Variants in RAB11FIP4 observed in about 807,000 individuals in gnomAD.
RAB11FIP4 encodes rab11 family-interacting protein 4.
Under a neutral mutation model 74.3 loss-of-function variants are expected in RAB11FIP4, and 23 were observed. The observed-to-expected ratio is 0.31, with a 90% CI of 0.22 to 0.44. The LOEUF (loss-of-function observed/expected upper bound fraction) is 0.44, where lower values mean the gene tolerates loss of function less well. Ranked by LOEUF, RAB11FIP4 falls within the 20% of genes least tolerant of loss-of-function variation. RAB11FIP4 has a pLI of 1.00. For synonymous variants in RAB11FIP4, 360 were observed against 359.9 expected (o/e 1.00, Z 0.00); for missense variants, 630 against 863.9 (o/e 0.73, Z 3.39).
intron 4 of RAB11FIP4, 156 bp from the exon 5 acceptor site, chr17:31,521,010 T>C: frequency 1.8e-6 from 1 of 540,716 alleles, no homozygotes; most frequent in Non-Finnish European, 3.2e-6. Context: ...GATGTTTCCC[T>C]TTAGATAGGG....
chr17:31,502,085 G>A (rs2072232231), intron 3 of RAB11FIP4, among the ~76,000 whole-genome samples: 1 of 152,074 alleles, frequency 6.6e-6, no homozygotes, highest in Non-Finnish European at 1.5e-5. Flanking sequence ...TTAGCCAGGC[G>A]TGGTGGTGGG....
intron 4 of RAB11FIP4, 194 bp from the exon 5 acceptor site, chr17:31,520,972 T>C (rs2072653544): frequency 2.5e-6 from 1 of 404,748 alleles, no homozygotes; most frequent in Non-Finnish European, 4.4e-6. Flanking sequence ...AGAATTGGTT[T>C]GAACTGTAGA....
intron 1 of RAB11FIP4, among the ~76,000 whole-genome samples, chr17:31,414,751 C>T (rs2071131260): frequency 6.6e-6 from 1 of 152,236 alleles, no homozygotes; most frequent in Admixed American, 6.5e-5. Context: ...AGGCCCTCTC[C>T]ACCTCCCCTC....
At chr17:31,420,248 C>T (rs1180011314) in intron 1 of RAB11FIP4, among the ~76,000 whole-genome samples, 3 of 151,238 alleles carry the variant, frequency 2.0e-5, no homozygotes, top group South Asian at 4.2e-4. Context: ...TCTTTTTTTT[C>T]GAGACAAGGT....
intron 3 of RAB11FIP4, among the ~76,000 whole-genome samples, chr17:31,437,954 C>T (rs1209931655): frequency 6.6e-6 from 1 of 152,182 alleles, no homozygotes; most frequent in Non-Finnish European, 1.5e-5. Flanking sequence ...CAGAGCCCTG[C>T]GAGACCCTGG....
Position 31,525,078 on chromosome 17 carries a change from C to G in RAB11FIP4, c.1134-12C>G, listed in dbSNP as rs1056832863. Reference sequence around the variant, plus strand: ...GCAGGCCCCAAGAGCTTGCCCATTGCGCTGTCCTCAGGGTGCATGAGCTGG... The same window carrying G: ...GCAGGCCCCAAGAGCTTGCCCATTGGGCTGTCCTCAGGGTGCATGAGCTGG... On this transcript the variant is annotated splice_polypyrimidine_tract_variant and intron_variant, in intron 9 of 14. Transcript: ENST00000621161. 1.9e-6 allele frequency: 3 copies of G among 1,550,040 alleles called. No homozygotes were observed. In the Admixed American group the frequency reaches 5.9e-5, roughly 30 times the overall value.
chr17:31,403,344 A>C (rs1237953686), intron 1 of RAB11FIP4, among the ~76,000 whole-genome samples: 6 of 149,838 alleles, frequency 4.0e-5, no homozygotes, highest in Admixed American at 4.0e-4. Context: ...TTTTTTTGAG[A>C]TGGAGTCTCG....
At chr17:31,404,307 C>T (rs546663655) in intron 1 of RAB11FIP4, among the ~76,000 whole-genome samples, 13 of 152,338 alleles carry the variant, frequency 8.5e-5, no homozygotes, top group African/African-American at 1.4e-4. Context: ...TCCTGCTCTC[C>T]GCCCCGTCCC....
intron 1 of RAB11FIP4, among the ~76,000 whole-genome samples, chr17:31,414,584 G>T (rs1399327845): frequency 6.6e-6 from 1 of 152,248 alleles, no homozygotes; most frequent in Admixed American, 6.5e-5. Flanking sequence ...ATGGATGGAG[G>T]TGTTGGCGGT....
chr17:31,475,165 A>G (rs1056531201), intron 3 of RAB11FIP4, among the ~76,000 whole-genome samples: 1 of 152,116 alleles, frequency 6.6e-6, no homozygotes, highest in Admixed American at 6.6e-5. Flanking sequence ...TATCAAGAAG[A>G]AGGCAGAGTA....
intron 3 of RAB11FIP4, among the ~76,000 whole-genome samples, chr17:31,452,404 C>T (rs988487333): frequency 1.3e-5 from 2 of 152,160 alleles, no homozygotes; most frequent in Non-Finnish European, 2.9e-5. Context: ...CCTCAGTGCT[C>T]TGGGGGATTA....
chr17:31,508,392 C>A (rs560920577), intron 3 of RAB11FIP4, among the ~76,000 whole-genome samples: 1 of 152,246 alleles, frequency 6.6e-6, no homozygotes, highest in African/African-American at 2.4e-5. Flanking sequence ...GCCAGTGGAT[C>A]CCCTTGTGGT....
At chr17:31,408,715 C>T (rs1360564978) in intron 1 of RAB11FIP4, among the ~76,000 whole-genome samples, 5 of 152,164 alleles carry the variant, frequency 3.3e-5, no homozygotes, top group East Asian at 1.9e-4. Context: ...TAGAGCTAAG[C>T]GGGGTGGGCA....
rs367924324 is a variant in RAB11FIP4 at position 31,451,065 on chromosome 17, C to T, written c.336+16943C>T. Among the ~76,000 whole-genome samples, 18 of 152,140 alleles carry T rather than the reference C, an allele frequency of 1.2e-4. No homozygotes were observed. The East Asian group carries it at 1.4e-3, about 11-fold the overall frequency. ...TTCCCTCCACCTTGGAGGTTACACC[C>T]CAGTCCCAGCAGAGCCGCACCCTGT... On this transcript the variant is annotated intron_variant, in intron 3 of 14. Coordinates refer to ENST00000621161, the MANE Select transcript of RAB11FIP4 (RefSeq NM_032932.6).
chr17:31,439,474 G>A (rs768427772), intron 3 of RAB11FIP4, among the ~76,000 whole-genome samples: 5 of 152,140 alleles, frequency 3.3e-5, no homozygotes, highest in Non-Finnish European at 2.9e-5. Flanking sequence ...CTAGGGAGGC[G>A]GACCATCTTT....
intron 10 of RAB11FIP4, chr17:31,527,058 G>A (rs1382713171): frequency 6.6e-6 from 1 of 152,290 alleles, no homozygotes; most frequent in Non-Finnish European, 1.5e-5. Context: ...CATGCCTGTG[G>A]TCATCAGAGG....
At chr17:31,446,400 C>T (rs531503834) in intron 3 of RAB11FIP4, among the ~76,000 whole-genome samples, 18 of 152,242 alleles carry the variant, frequency 1.2e-4, no homozygotes, top group Admixed American at 1.0e-3. Flanking sequence ...CTTGGCATCT[C>T]TCAAATTGTG....
At chr17:31,509,302 C>T (rs2072410108) in intron 3 of RAB11FIP4, 1 of 144,078 alleles carries the variant, frequency 6.9e-6, no homozygotes, top group African/African-American at 3.0e-5. Flanking sequence ...TGAATGAGCA[C>T]CTGGGGAACC....
Position 31,494,758 on chromosome 17 carries a change from T to C in RAB11FIP4, c.337-22893T>C, listed in dbSNP as rs1597954184. ...CCCCAAAGTGCTGGGATTACAGGCA[T>C]GAGCCTCTGCACCCAGCCAGCTTCT... On this transcript the variant is annotated intron_variant, in intron 3 of 14. Transcript: ENST00000621161. 3.3e-5 allele frequency among the ~76,000 whole-genome samples: 5 copies of C among 152,252 alleles called. No homozygotes were observed. In the South Asian group the frequency reaches 1.0e-3, roughly 32 times the overall value.
Sources: allele counts gnomAD v4.1 joint callset (sites outside exome capture counted in the v4.1 genomes callset), GRCh38; gene constraint gnomAD v4.1.1; transcripts MANE v1.5; gene names NCBI Gene and HGNC (gene_info 2026-07-23, HGNC 2026-07-21).